The following EPHA1 variants were observed in gnomAD, a reference collection of about 807,000 sequenced individuals.
The protein encoded by EPHA1 is EPH receptor A1.
Under a neutral mutation model 110.1 loss-of-function variants are expected in EPHA1, and 92 were observed. That is an observed-to-expected ratio of 0.84 (90% confidence interval 0.71 to 0.99). The LOEUF is 0.99. Among genes scored for constraint, EPHA1 ranks in the 50% least tolerant of loss-of-function variants. The pLI is 0.00. For synonymous variants in EPHA1, 500 were observed against 516.1 expected, an observed-to-expected ratio of 0.97 and a Z score of 0.42; for missense variants, 1,204 against 1,285.4, an observed-to-expected ratio of 0.94 and a Z score of 0.97.
chr7:143,398,162 G>T, intron 7 of EPHA1, 92 bp from the exon 8 acceptor site: 7 of 1,585,506 alleles, frequency 4.4e-6, no homozygotes, highest in South Asian at 1.1e-5. Context: ...AGGGGCTGGA[G>T]AGCAGAATGG....
In EPHA1 at chr7:143,391,312, G is replaced by T. The variant is rs1805070006; in HGVS notation, c.*145C>A. The T allele has an allele frequency of 3.2e-6, 3 of 940,662 alleles. No homozygotes were observed. Among genetic ancestry groups the T allele is most frequent in the Non-Finnish European group, 4.8e-6 (3 of 620,838 alleles). 58.3% of individuals were successfully genotyped at this position (940,662 alleles called of 1,614,324 possible). ...ACAAAGAGGTTTTCTGGGGTGCAGAGCAGGGTTCTCCTGAAAGTGGGCAGA... is the reference window on the plus strand; with the variant it reads ...ACAAAGAGGTTTTCTGGGGTGCAGATCAGGGTTCTCCTGAAAGTGGGCAGA... On this transcript the variant is annotated 3_prime_UTR_variant, in exon 18 of 18. Transcript: ENST00000275815.
Position 143,393,588 on chromosome 7 carries a change from G to A in EPHA1, c.2696+83C>T, listed in dbSNP as rs549024933. On this transcript the variant is annotated intron_variant, in intron 16 of 17. Coordinates refer to ENST00000275815, the MANE Select transcript of EPHA1 (RefSeq NM_005232.5). This position sits in a 1 kb window ranked among gnomAD's most constrained non-coding sequence, Gnocchi z 5.6. ...TGGTCCAGAGCTCCCCAGGCCCAGC[G>A]CTCAAAGAAGATTGGCTGAATGCCC... 2.0e-5 allele frequency: 30 copies of A among 1,489,324 alleles called. No individual in the cohort carries two copies. The highest frequency in any genetic ancestry group is 2.6e-5 in the South Asian group (2 of 77,664). 92.3% of individuals were successfully genotyped at this position (1,489,324 alleles called of 1,614,324 possible). A position where few individuals can be genotyped will look rare whatever the true frequency, so the allele number is the denominator to read the frequency against.
At chr7:143,399,199 G>A (rs931418253) in intron 5 of EPHA1, 59 bp downstream of exon 5, 3 of 1,570,084 alleles carry the variant, frequency 1.9e-6, no homozygotes, top group African/African-American at 1.4e-5. Flanking sequence ...CCCTGACAAA[G>A]TCTCAGCAAA....
rs111778416 is a variant in EPHA1, at chr7:143,397,600, C to A, written c.1673G>T (p.Gly558Val). ...IVAVIFGLLL[G>V]AALLLGILVF... Reference sequence around the variant, plus strand: ...GAGAATCCCAAGCAGCAAGGCTGCACCAAGCAGCAGCCCAAAGATGACGGC... The same window carrying A: ...GAGAATCCCAAGCAGCAAGGCTGCAACAAGCAGCAGCCCAAAGATGACGGC... Residue 558 changes from glycine (G) to valine (V), a missense_variant, in exon 9 of 18, where the codon GGT (glycine) becomes GTT (valine). Gly to Val is a moderately radical substitution (Grantham distance 109). Transcript: ENST00000275815. The A allele has an allele frequency of 1.2e-6, 2 of 1,614,112 alleles. No individual in the cohort carries two copies. Among genetic ancestry groups the A allele is most frequent in the South Asian group, 1.1e-5 (1 of 91,076 alleles).
intron 8 of EPHA1, 122 bp from the exon 9 acceptor site, chr7:143,397,779 C>T: frequency 1.3e-6 from 2 of 1,521,334 alleles, no homozygotes; most frequent in Non-Finnish European, 1.8e-6. Context: ...AGGTCGGTGT[C>T]TGTCCCCTAC....
intron 10 of EPHA1, chr7:143,396,714 C>T (rs2116619886): frequency 3.4e-6 from 2 of 584,626 alleles, no homozygotes; most frequent in South Asian, 2.0e-5. Flanking sequence ...CTCCGCTGTC[C>T]TCACTCCACA....
intron 7 of EPHA1, 84 bp from the exon 8 acceptor site, chr7:143,398,154 G>A: frequency 1.9e-6 from 3 of 1,588,242 alleles, no homozygotes; most frequent in Non-Finnish European, 2.6e-6. Flanking sequence ...ACATGGGGAG[G>A]GGCTGGAGAG....
In EPHA1 at chr7:143,394,194, C is replaced by T; in HGVS notation, c.2502G>A (p.Glu834=). Residue 834 remains glutamate, a splice_region_variant and synonymous_variant, in exon 15 of 18, where the codon GAG becomes GAA. Transcript: ENST00000275815. ...ATGAGGAAGAATATTCTGGGCTCAC[C>T]TCCTGATTGCTCATCTCCCCATAAG... is the stretch of plus-strand genomic sequence containing the variant. ...DKPYGEMSNQ[E]VMKSIEDGYR... The T allele has an allele frequency of 1.2e-6, 2 of 1,611,846 alleles. No homozygotes were observed. Among genetic ancestry groups the T allele is most frequent in the South Asian group, 2.2e-5 (2 of 90,992 alleles).
intron 2 of EPHA1, among the ~76,000 whole-genome samples, chr7:143,402,764 TGA>T (rs1195548546): frequency 7.9e-5 from 12 of 152,170 alleles, no homozygotes; most frequent in African/African-American, 2.9e-4. Flanking sequence ...TACTCAGCTA[TGA>T]GAGGCAGAGC....
At position 143,391,489 on chromosome 7, in the gene EPHA1, T is replaced by C. The variant is rs1805079387; in HGVS notation, c.2899A>G (p.Ile967Val). Reference protein sequence around the residue: ...GITLPGHQKRILCSIQGFKD With the variant: ...GITLPGHQKRVLCSIQGFKD ...TTGAATCCCTGAATACTGCAAAGAA[T>C]GCGCTTCTGGTGCCCGGGCAGTGTG... Residue 967 changes from isoleucine (I) to valine (V), a missense_variant, in exon 18 of 18, where the codon ATT becomes GTT. Coordinates refer to ENST00000275815, the MANE Select transcript of EPHA1 (RefSeq NM_005232.5). 1 of 1,614,144 alleles carries C rather than the reference T, an allele frequency of 6.2e-7. No individual in the cohort carries two copies. Among genetic ancestry groups the C allele is most frequent in the Non-Finnish European group, 8.5e-7 (1 of 1,180,014 alleles).
intron 5 of EPHA1, 21 bp downstream of exon 5, chr7:143,399,237 C>T (rs1258761308): frequency 7.5e-6 from 12 of 1,601,800 alleles, no homozygotes; most frequent in South Asian, 3.4e-5. Context: ...CAGATGGCCA[C>T]GCCCCACCCC....
At chr7:143,407,380 C>G (rs1365265092) in intron 2 of EPHA1, among the ~76,000 whole-genome samples, 1 of 152,126 alleles carries the variant, frequency 6.6e-6, no homozygotes, top group Non-Finnish European at 1.5e-5. Flanking sequence ...ACAATATTCC[C>G]AAGTATTCAC....
At position 143,394,303 on chromosome 7, in the gene EPHA1, A is replaced by T; in HGVS notation, c.2393T>A (p.Ile798Asn). Reference sequence around the variant, plus strand: ...GGCTGTGGTGAAGATCCGATGGGCAATGGCTTCAGGGGCTGTCCAACGGAT... The same window carrying T: ...GGCTGTGGTGAAGATCCGATGGGCATTGGCTTCAGGGGCTGTCCAACGGAT... ...IPIRWTAPEAIAHRIFTTASD... is the reference protein window; with the variant it reads ...IPIRWTAPEANAHRIFTTASD... The change falls in exon 15 of 18, where the codon ATT (isoleucine) becomes AAT (asparagine). Residue 798 changes from isoleucine (I) to asparagine (N), a missense_variant. Ile to Asn is a moderately radical substitution (Grantham distance 149). Transcript: ENST00000275815. 3 of 1,614,154 alleles carry T rather than the reference A, an allele frequency of 1.9e-6. No homozygotes were observed. The highest frequency in any genetic ancestry group is 1.3e-5 in the African/African-American group (1 of 75,032).
At chr7:143,400,921 T>G in intron 3 of EPHA1, 1 of 200,652 alleles carries the variant, frequency 5.0e-6, no homozygotes, top group Non-Finnish European at 1.0e-5. Context: ...AGAGACAGGA[T>G]CTTGCTCTGT....
intron 2 of EPHA1, among the ~76,000 whole-genome samples, chr7:143,406,996 C>G (rs968680720): frequency 1.3e-5 from 2 of 152,144 alleles, no homozygotes; most frequent in South Asian, 2.1e-4. Flanking sequence ...ATGGTGTGCA[C>G]GCAGTCAGCC....
rs1563121192 is a variant in EPHA1 at position 143,405,440 on chromosome 7, T to TGC, written c.150+2170_150+2171insGC. ...ATGCCTGCGTGTGCATGTGTGCGTG[T>TGC]GTGTGTGTGTGTGTGTGTGTGTTTT... is the stretch of plus-strand genomic sequence containing the variant. On this transcript the variant is annotated intron_variant, in intron 2 of 17. Coordinates refer to ENST00000275815, the MANE Select transcript of EPHA1 (RefSeq NM_005232.5). 5.0e-5 allele frequency among the ~76,000 whole-genome samples: 5 copies of TGC among 99,808 alleles called. No individual in the cohort carries two copies. In the East Asian group the frequency reaches 7.5e-3, roughly 150 times the overall value. The allele number at this position is 99,808 out of a possible 152,430, so 65.5% of individuals were successfully genotyped here. A position where few individuals can be genotyped will look rare whatever the true frequency, so the allele number is the denominator to read the frequency against.
chr7:143,405,330 C>T (rs1805518935), intron 2 of EPHA1, among the ~76,000 whole-genome samples: 1 of 152,184 alleles, frequency 6.6e-6, no homozygotes. Flanking sequence ...TGGGCGAGAG[C>T]CAGCTGTCCA....
intron 14 of EPHA1, 85 bp from the exon 15 acceptor site, chr7:143,394,428 T>C (rs1472664403): frequency 2.4e-5 from 34 of 1,439,712 alleles, no homozygotes; most frequent in African/African-American, 2.9e-5. Flanking sequence ...GTATTTTTAT[T>C]TTATTTTTTT....
In EPHA1 at chr7:143,399,378, T is replaced by A; in HGVS notation, c.871A>T (p.Thr291Ser). Reference sequence around the variant, plus strand: ...TGGGGGCACGTGAGACAATGGGGTGTGTCCATGTCCATCCGGTAGGAGCCG... The same window carrying A: ...TGGGGGCACGTGAGACAATGGGGTGAGTCCATGTCCATCCGGTAGGAGCCG... ...PSGSYRMDMD[T>S]PHCLTCPQQS... Residue 291 changes from threonine to serine, a missense_variant, in exon 5 of 18, where the codon ACA becomes TCA. Coordinates refer to ENST00000275815, the MANE Select transcript of EPHA1 (RefSeq NM_005232.5). The A allele has an allele frequency of 6.2e-7, 1 of 1,603,128 alleles. No individual in the cohort carries two copies. Among genetic ancestry groups the A allele is most frequent in the Non-Finnish European group, 8.5e-7 (1 of 1,174,334 alleles).
Sources: allele counts gnomAD v4.1 joint callset (sites outside exome capture counted in the v4.1 genomes callset), GRCh38; gene constraint gnomAD v4.1.1; non-coding constraint Gnocchi (gnomAD v3.1); transcripts MANE v1.5; gene names NCBI Gene and HGNC (gene_info 2026-07-23, HGNC 2026-07-21).